Variants in DNER observed in about 807,000 individuals in gnomAD.
DNER encodes the protein delta and Notch-like epidermal growth factor-related receptor.
Under a neutral mutation model 78.2 loss-of-function variants are expected in DNER, and 33 were observed. The ratio of observed to expected loss-of-function variants is 0.42; its 90% CI spans 0.32 to 0.56. DNER has a LOEUF of 0.56. DNER is among the 20% of genes least tolerant of loss of function. The pLI is 0.11. For missense variants in DNER, 918 were observed against 975.3 expected (o/e 0.94, Z 0.78); for synonymous variants, 417 against 384.8 (o/e 1.08, Z -0.98).
intron 11 of DNER, 64 bp downstream of exon 11, chr2:229,388,201 G>A: frequency 3.9e-6 from 6 of 1,528,202 alleles, no homozygotes; most frequent in Non-Finnish European, 5.3e-6. Flanking sequence ...TCTTCATGAA[G>A]GAAAATGCTT....
At chr2:229,628,457 G>C (rs965506664) in intron 1 of DNER, among the ~76,000 whole-genome samples, 18 of 152,182 alleles carry the variant, frequency 1.2e-4, no homozygotes, top group Non-Finnish European at 5.9e-5. Flanking sequence ...AAAAACACGG[G>C]AACACGGTAG....
At chr2:229,664,370 C>T (rs992957637) in intron 1 of DNER, among the ~76,000 whole-genome samples, 6 of 152,060 alleles carry the variant, frequency 3.9e-5, no homozygotes, top group East Asian at 3.9e-4. Flanking sequence ...CAGCTGGGCA[C>T]GGTGGCTCAC....
intron 1 of DNER, among the ~76,000 whole-genome samples, chr2:229,614,706 C>A (rs1574928804): frequency 6.6e-6 from 1 of 152,212 alleles, no homozygotes; most frequent in South Asian, 2.1e-4. Context: ...GGCTCCAGCC[C>A]TGCCTCCTCT....
chr2:229,461,916 A>G (rs897353230), intron 7 of DNER, among the ~76,000 whole-genome samples: 1 of 152,134 alleles, frequency 6.6e-6, no homozygotes, highest in Admixed American at 6.5e-5. Context: ...ACATGGAAAC[A>G]ATGGCAGCAG....
chr2:229,502,888 G>A (rs1695650304), intron 6 of DNER, among the ~76,000 whole-genome samples: 1 of 152,208 alleles, frequency 6.6e-6, no homozygotes, highest in South Asian at 2.1e-4. Flanking sequence ...TTAAAGGGGT[G>A]TCCCCCTTAG....
intron 4 of DNER, among the ~76,000 whole-genome samples, chr2:229,552,481 G>A (rs1696764965): frequency 6.6e-6 from 1 of 152,200 alleles, no homozygotes; most frequent in Non-Finnish European, 1.5e-5. Flanking sequence ...GGATGCAGTG[G>A]GAGGTAGTTT....
chr2:229,698,249 G>C (rs1699690297), intron 1 of DNER, among the ~76,000 whole-genome samples: 1 of 152,016 alleles, frequency 6.6e-6, no homozygotes. Flanking sequence ...ATGTGGAAGG[G>C]CAAAGTGAGG....
At chr2:229,438,291 G>T (rs1228948686) in intron 8 of DNER, among the ~76,000 whole-genome samples, 4 of 152,188 alleles carry the variant, frequency 2.6e-5, no homozygotes, top group African/African-American at 9.6e-5. Flanking sequence ...AAGCTTTGAG[G>T]CATCCACTTA....
At chr2:229,367,804 C>T (rs761646992) in intron 11 of DNER, among the ~76,000 whole-genome samples, 12 of 152,148 alleles carry the variant, frequency 7.9e-5, no homozygotes, top group Non-Finnish European at 1.3e-4. Flanking sequence ...GATACATAAC[C>T]GTTTCATTTA....
chr2:229,456,113 G>A (rs961861853), intron 7 of DNER, among the ~76,000 whole-genome samples: 5 of 152,118 alleles, frequency 3.3e-5, no homozygotes, highest in African/African-American at 4.8e-5. Flanking sequence ...TCTGCAGGCT[G>A]TACAGGAATC....
chr2:229,702,990 T>A (rs1481157983), intron 1 of DNER, among the ~76,000 whole-genome samples: 1 of 151,764 alleles, frequency 6.6e-6, no homozygotes, highest in Non-Finnish European at 1.5e-5. Flanking sequence ...AGGATTCTTG[T>A]CATCTCAATA....
intron 8 of DNER, among the ~76,000 whole-genome samples, chr2:229,426,707 C>T (rs1007025960): frequency 6.6e-6 from 1 of 151,996 alleles, no homozygotes; most frequent in South Asian, 2.1e-4. Flanking sequence ...TAATAGAAAT[C>T]GATTAAAGAA....
At chr2:229,587,953 A>AAAAT (rs987451726) in intron 3 of DNER, among the ~76,000 whole-genome samples, 1 of 152,100 alleles carries the variant, frequency 6.6e-6, no homozygotes, top group East Asian at 1.9e-4. Context: ...GAAAACTGTA[A>AAAAT]AAATAAATAA....
At chr2:229,521,068 G>A (rs1696086116) in intron 5 of DNER, among the ~76,000 whole-genome samples, 1 of 152,212 alleles carries the variant, frequency 6.6e-6, no homozygotes, top group South Asian at 2.1e-4. Flanking sequence ...CCTGCTTACA[G>A]AGCCTATGAA....
chr2:229,585,056 G>A (rs1333931960), intron 4 of DNER, among the ~76,000 whole-genome samples: 3 of 152,242 alleles, frequency 2.0e-5, no homozygotes, highest in East Asian at 1.9e-4. Context: ...GCCCCAAAGA[G>A]AGCTATAATC....
At chr2:229,622,316 T>G (rs951239032) in intron 1 of DNER, among the ~76,000 whole-genome samples, 2 of 152,048 alleles carry the variant, frequency 1.3e-5, no homozygotes, top group African/African-American at 2.4e-5. Flanking sequence ...CCCTTCCCCA[T>G]ATGACTTAGA....
chr2:229,634,908 C>A (rs1231484301), intron 1 of DNER, among the ~76,000 whole-genome samples: 2 of 152,204 alleles, frequency 1.3e-5, no homozygotes, highest in African/African-American at 2.4e-5. Context: ...CAACCCAAAT[C>A]CTTCTTCCGC....
intron 11 of DNER, among the ~76,000 whole-genome samples, chr2:229,379,670 G>T (rs1338945427): frequency 6.6e-6 from 1 of 152,062 alleles, no homozygotes; most frequent in Non-Finnish European, 1.5e-5. Flanking sequence ...GTGTCAATTT[G>T]TCATACTAAA....
At position 229,433,277 on chromosome 2, in the gene DNER, T is replaced by C. The variant is rs1020609572; in HGVS notation, c.1486+14039A>G. Among the ~76,000 whole-genome samples, 6 of 152,262 alleles carry C rather than the reference T, an allele frequency of 3.9e-5. No individual in the cohort carries two copies. The South Asian group carries it at 8.3e-4, about 21-fold the overall frequency. ...ACAGCCATGGCATCTCCTAAGCGCGTTTAACTAATCCAACCGCAAAACATA... is the reference window on the plus strand; with the variant it reads ...ACAGCCATGGCATCTCCTAAGCGCGCTTAACTAATCCAACCGCAAAACATA... On this transcript the variant is annotated intron_variant, in intron 8 of 12. Transcript: ENST00000341772.
Sources: allele counts gnomAD v4.1 joint callset (sites outside exome capture counted in the v4.1 genomes callset), GRCh38; gene constraint gnomAD v4.1.1; transcripts MANE v1.5; gene names NCBI Gene and HGNC (gene_info 2026-07-23, HGNC 2026-07-21).